BTBD3: variants seen among roughly 807,000 people sequenced by gnomAD.
BTBD3 encodes the protein BTB/POZ domain-containing protein 3.
In BTBD3, 14 loss-of-function variants were observed where a neutral mutation model predicts 41.6. The observed-to-expected ratio is 0.34, with a 90% confidence interval of 0.22 to 0.53. The LOEUF is 0.53. Ranked by LOEUF, BTBD3 falls within the 20% of genes least tolerant of loss-of-function variation. BTBD3 has a pLI of 0.95. For synonymous variants in BTBD3, 249 were observed against 233.7 expected, an observed-to-expected ratio of 1.07 and a Z score of -0.60; for missense variants, 426 against 654.7, an observed-to-expected ratio of 0.65 and a Z score of 3.81.
At position 11,907,153 on chromosome 20, in the gene BTBD3, T is replaced by C. The variant is rs180780486; in HGVS notation, c.-125-11181T>C. Among the ~76,000 whole-genome samples the C allele has an allele frequency of 4.0e-3, 602 of 152,336 alleles. 3 individuals are homozygous for C. The highest frequency in any genetic ancestry group is 9.2e-3 in the Admixed American group (141 of 15,298). On this transcript the variant is annotated intron_variant, in intron 1 of 4. Coordinates refer to the BTBD3 transcript ENST00000254977. ...CACACTTCTCTGTGAATATGTGTAT[T>C]ACATTAAATTTTAGACTTTTAATGT...
chr20:11,904,659 A>T lies in BTBD3; in HGVS notation c.-125-13675A>T, dbSNP rs569526188. ...TATTAATATACTTTTGTCAAAATTTAAAAAATTAAGTATTTATTTAAAAAT... is the reference window on the plus strand; with the variant it reads ...TATTAATATACTTTTGTCAAAATTTTAAAAATTAAGTATTTATTTAAAAAT... On this transcript the variant is annotated intron_variant, in intron 1 of 4. Coordinates refer to the BTBD3 transcript ENST00000254977. Among the ~76,000 whole-genome samples, 25 of 152,348 alleles carry T rather than the reference A, an allele frequency of 1.6e-4. No individual in the cohort carries two copies. The South Asian group carries it at 4.3e-3, about 27-fold the overall frequency.
chr20:11,890,887 C>T (rs2056745933), exon 1 of BTBD3: 13 of 984,902 alleles, frequency 1.3e-5, no homozygotes, highest in Admixed American at 6.2e-5. Flanking sequence ...CCGGCCGGGG[C>T]CTGAGGAGCG....
intron 2 of BTBD3, chr20:11,919,418 T>G (rs1373747686): frequency 3.6e-6 from 5 of 1,407,858 alleles, no homozygotes; most frequent in African/African-American, 1.4e-5. Context: ...GAAGTTGTTG[T>G]GACAGGTCAG....
chr20:11,899,981 A>G (rs1445032671), intron 1 of BTBD3, among the ~76,000 whole-genome samples: 2 of 152,332 alleles, frequency 1.3e-5, no homozygotes, highest in Middle Eastern at 3.4e-3. Context: ...CTTCAACTCT[A>G]CTGTCAAAAT....
rs1170050123 is a variant in BTBD3 at position 11,897,519 on chromosome 20, A to C, written c.-126+6565A>C. On this transcript the variant is annotated intron_variant, in intron 1 of 4. Coordinates refer to the BTBD3 transcript ENST00000254977. The stretch of plus-strand genomic sequence containing the variant: ...AAAAAAAAAAAAAAAAGAACATGGA[A>C]TCCTCCTGACTCTTCTCTTTCTCTC... 2.7e-5 allele frequency among the ~76,000 whole-genome samples: 4 copies of C among 148,202 alleles called. 1 individual carries two copies.
chr20:11,898,363 C>A (rs1038021949), intron 1 of BTBD3, among the ~76,000 whole-genome samples: 1 of 151,902 alleles, frequency 6.6e-6, no homozygotes, highest in Non-Finnish European at 1.5e-5. Context: ...TTTATCCTAC[C>A]CCCCCAGCCA....
intron 1 of BTBD3, among the ~76,000 whole-genome samples, chr20:11,891,742 A>G (rs562135280): frequency 8.5e-5 from 13 of 152,098 alleles, no homozygotes; most frequent in Non-Finnish European, 1.5e-4. Context: ...GGGGATCCCT[A>G]TTTATCAAGC....
intron 1 of BTBD3, among the ~76,000 whole-genome samples, chr20:11,905,764 T>C (rs2056849454): frequency 6.6e-6 from 1 of 152,222 alleles, no homozygotes; most frequent in Admixed American, 6.5e-5. Flanking sequence ...TTTATCTTTT[T>C]TAGTTCCTGG....
intron 1 of BTBD3, among the ~76,000 whole-genome samples, chr20:11,893,758 G>A (rs1020624246): frequency 6.6e-5 from 10 of 152,036 alleles, no homozygotes; most frequent in Middle Eastern, 3.2e-3. Flanking sequence ...AAAAATCACC[G>A]TCATATCATC....
chr20:11,925,512 A>C lies in BTBD3; in HGVS notation c.*1846A>C, dbSNP rs1006713693. ...GAAAAGCTGTTACTGGTGATTATAG[A>C]TGAGTATTTCCAGGACAACGTTCTA... On this transcript the variant is annotated 3_prime_UTR_variant, in exon 4 of 4. Transcript: ENST00000378226. 1 of 152,674 alleles carries C rather than the reference A, an allele frequency of 6.5e-6. No individual in the cohort carries two copies. Among genetic ancestry groups the C allele is most frequent in the African/African-American group, 2.4e-5 (1 of 41,460 alleles). 9.5% of individuals were successfully genotyped at this position (152,674 alleles called of 1,614,324 possible). A position where few individuals can be genotyped will look rare whatever the true frequency, so the allele number is the denominator to read the frequency against.
At chr20:11,908,670 AT>A (rs563696417) in intron 1 of BTBD3, among the ~76,000 whole-genome samples, 161 of 151,912 alleles carry the variant, frequency 1.1e-3, no homozygotes, top group African/African-American at 3.6e-3. Context: ...AGAGAATTGA[AT>A]TTTTTTTGAA....
chr20:11,895,501 C>G (rs2056781311), intron 1 of BTBD3, among the ~76,000 whole-genome samples: 1 of 152,118 alleles, frequency 6.6e-6, no homozygotes, highest in African/African-American at 2.4e-5. Flanking sequence ...TTTGTAGGGT[C>G]TTCTTGGGCT....
At position 11,919,700 on chromosome 20, in the gene BTBD3, A is replaced by G. The variant is rs1358326891; in HGVS notation, c.418-18A>G. ...CCTTCAATTTAGTGTATGAAATAAG[A>G]TTTCCCTTTCTACACAGTATGTTTT... On this transcript the variant is annotated intron_variant, in intron 2 of 3. Transcript: ENST00000378226. 1 of 1,608,140 alleles carries G rather than the reference A, an allele frequency of 6.2e-7. No individual in the cohort carries two copies. Among genetic ancestry groups the G allele is most frequent in the Non-Finnish European group, 8.5e-7 (1 of 1,174,896 alleles).
Position 11,923,971 on chromosome 20 carries a change from C to A in BTBD3, c.*305C>A. The A allele has an allele frequency of 3.8e-6, 1 of 261,966 alleles. No homozygotes were observed. Among genetic ancestry groups the A allele is most frequent in the Non-Finnish European group, 7.2e-6 (1 of 138,804 alleles). The allele number at this position is 261,966 out of a possible 1,614,324, so 16.2% of individuals were successfully genotyped here. On this transcript the variant is annotated 3_prime_UTR_variant, in exon 4 of 4. Coordinates refer to ENST00000378226, the MANE Select transcript of BTBD3 (RefSeq NM_014962.4). This position sits in a 1 kb window ranked among gnomAD's most constrained non-coding sequence, Gnocchi z 5.3. ...GTTCCACCACCCTCTCAGTTTTGTC[C>A]CTCTGAAGATAATTTTGGATCACCT...
At chr20:11,918,952 CTTTA>C in intron 1 of BTBD3, 130 bp from the exon 2 acceptor site, 1 of 650,552 alleles carries the variant, frequency 1.5e-6, no homozygotes, top group African/African-American at 1.8e-5. Context: ...TAGTTAGAAC[CTTTA>C]TTTGTTGTTT....
At chr20:11,918,875 A>T in intron 1 of BTBD3, 2 of 570,084 alleles carry the variant, frequency 3.5e-6, no homozygotes, top group Non-Finnish European at 6.1e-6. Context: ...GCTTTATTAA[A>T]AGTTTGTATA....
At position 11,918,257 on chromosome 20, in the gene BTBD3, A is replaced by G; in HGVS notation, c.-19A>G. 1 of 1,534,668 alleles carries G rather than the reference A, an allele frequency of 6.5e-7. No individual in the cohort carries two copies. The highest frequency in any genetic ancestry group is 8.7e-7 in the Non-Finnish European group (1 of 1,149,322). ...ACCAATTTGGGATATCTAACTCTAA[A>G]GAGAGACACACTGTACTCATGGTAG... On this transcript the variant is annotated 5_prime_UTR_variant, in exon 1 of 4. Transcript: ENST00000378226.
At chr20:11,912,511 G>A (rs1210005987) in intron 1 of BTBD3, among the ~76,000 whole-genome samples, 1 of 152,204 alleles carries the variant, frequency 6.6e-6, no homozygotes, top group Non-Finnish European at 1.5e-5. Context: ...TGGCCCATAG[G>A]TGGGGCTAGA....
At chr20:11,907,300 G>A (rs369304970) in intron 1 of BTBD3, among the ~76,000 whole-genome samples, 26 of 152,294 alleles carry the variant, frequency 1.7e-4, no homozygotes, top group African/African-American at 6.3e-4. Flanking sequence ...GACATGTTCA[G>A]GAGAGCCCCA....
Sources: allele counts gnomAD v4.1 joint callset (sites outside exome capture counted in the v4.1 genomes callset), GRCh38; gene constraint gnomAD v4.1.1; non-coding constraint Gnocchi (gnomAD v3.1); transcripts MANE v1.5; gene names NCBI Gene and HGNC (gene_info 2026-07-23, HGNC 2026-07-21).